Variants in ANKRD34B observed in about 807,000 individuals in gnomAD.
The protein encoded by ANKRD34B is ankyrin repeat domain 34B, also known as ankyrin repeat domain-containing protein 34B.
Under a neutral mutation model 4.4 loss-of-function variants are expected in ANKRD34B, and 2 were observed. The observed-to-expected ratio is 0.46, with a 90% confidence interval of 0.19 to 1.44. The LOEUF (loss-of-function observed/expected upper bound fraction) is 1.44, where lower values mean the gene tolerates loss of function less well. Among genes scored for constraint, ANKRD34B ranks in the 40% most tolerant of loss-of-function variants. The pLI is 0.26. For missense variants in ANKRD34B, 558 were observed against 604.7 expected (o/e 0.92, Z 0.81); for synonymous variants, 226 against 227.1 (o/e 0.99, Z 0.05).
intron 2 of ANKRD34B, 35 bp downstream of exon 2, chr5:80,568,925 C>CACACACACAGAGAGAGAGAGAGAGAG: frequency 5.6e-4 from 28 of 49,890 alleles, no homozygotes; most frequent in Non-Finnish European, 9.0e-4. Flanking sequence ...CACACACACA[C>CACACACACAGAGAGAGAGAGAGAGAG]AGAGAGAGAG....
chr5:80,565,386 T>C (rs1442876864), intron 3 of ANKRD34B, among the ~76,000 whole-genome samples: 1 of 152,246 alleles, frequency 6.6e-6, no homozygotes, highest in Non-Finnish European at 1.5e-5. Flanking sequence ...CCCTTTGTTA[T>C]GTCTAGACTA....
At chr5:80,560,394 A>ATCTG (rs148079271) in intron 4 of ANKRD34B, among the ~76,000 whole-genome samples, 1,963 of 152,314 alleles carry the variant, frequency 0.013, 44 homozygotes, top group African/African-American at 0.046. Flanking sequence ...AGTGGCTCAC[A>ATCTG]TCTGTAATCC....
In ANKRD34B at chr5:80,558,958, G is replaced by T; in HGVS notation, c.1062C>A (p.Thr354=). 6.2e-7 allele frequency: 1 copy of T among 1,614,164 alleles called. No homozygotes were observed. The highest frequency in any genetic ancestry group is 8.5e-7 in the Non-Finnish European group (1 of 1,180,038). Residue 354 remains threonine (T), a synonymous_variant, in exon 5 of 5, where the codon ACC becomes ACA. Coordinates refer to ENST00000338682, the MANE Select transcript of ANKRD34B (RefSeq NM_001004441.3). ...PDSNQTIFAS[T]LRSIVQKRNL... ...TTCTTTTTTGAACTATACTTCTTAA[G>T]GTGGAAGCAAATATTGTCTGGTTAG...
At chr5:80,565,887 A>G (rs1282769674) in intron 3 of ANKRD34B, among the ~76,000 whole-genome samples, 1 of 152,156 alleles carries the variant, frequency 6.6e-6, no homozygotes, top group Non-Finnish European at 1.5e-5. Flanking sequence ...CAATTTCCAA[A>G]TACTATCATT....
chr5:80,564,775 G>A (rs1340958131), intron 3 of ANKRD34B, among the ~76,000 whole-genome samples: 1 of 134,772 alleles, frequency 7.4e-6, no homozygotes, highest in African/African-American at 2.8e-5. Flanking sequence ...GCACAATCTC[G>A]GCTCACTGTA....
chr5:80,564,222 G>A (rs959643835), intron 3 of ANKRD34B, among the ~76,000 whole-genome samples: 3 of 151,978 alleles, frequency 2.0e-5, no homozygotes, highest in Non-Finnish European at 4.4e-5. Context: ...ATATTGTCCA[G>A]GCTGGTCTTG....
intron 4 of ANKRD34B, among the ~76,000 whole-genome samples, chr5:80,562,726 C>T (rs1027765793): frequency 2.8e-4 from 42 of 152,166 alleles, no homozygotes; most frequent in African/African-American, 1.0e-3. Flanking sequence ...AAACATTAAA[C>T]TTGTCAGGGA....
At chr5:80,562,820 A>G (rs76760859) in intron 4 of ANKRD34B, among the ~76,000 whole-genome samples, 1 of 152,152 alleles carries the variant, frequency 6.6e-6, no homozygotes, top group African/African-American at 2.4e-5. Flanking sequence ...TGAGGCTGAA[A>G]ACGCAAGCCT....
intron 3 of ANKRD34B, 136 bp downstream of exon 3, chr5:80,566,553 G>A (rs1319118168): frequency 6.6e-6 from 1 of 152,568 alleles, no homozygotes; most frequent in Admixed American, 6.6e-5. Context: ...CTGGAAGCCA[G>A]GAAAAGGAAG....
chr5:80,562,275 A>G (rs188647016), intron 4 of ANKRD34B, among the ~76,000 whole-genome samples: 146 of 152,190 alleles, frequency 9.6e-4, no homozygotes, highest in African/African-American at 3.4e-3. Flanking sequence ...CACAGCCTAT[A>G]TTTTAACAAG....
chr5:80,568,639 G>A (rs566616428), intron 2 of ANKRD34B, among the ~76,000 whole-genome samples: 7 of 152,284 alleles, frequency 4.6e-5, no homozygotes, highest in African/African-American at 1.7e-4. Flanking sequence ...AAGGGGCAGA[G>A]ACAGAATAAA....
chr5:80,567,641 A>AAAAAAAAAAAAAAG (rs1746615126), intron 2 of ANKRD34B, among the ~76,000 whole-genome samples: 1 of 146,632 alleles, frequency 6.8e-6, no homozygotes, highest in Non-Finnish European at 1.5e-5. Context: ...AAAAAAGAAA[A>AAAAAAAAAAAAAAG]GAAAAGAAAA....
rs111603222 is a variant in ANKRD34B, at chr5:80,567,621, C to CAAAA, written c.-190-851_-190-848dup. Among the ~76,000 whole-genome samples the CAAAA allele has an allele frequency of 1.7e-3, 84 of 50,514 alleles. 2 individuals are homozygous for CAAAA. Among genetic ancestry groups the CAAAA allele is most frequent in the South Asian group, 0.012 (16 of 1,322 alleles). 33.1% of individuals were successfully genotyped at this position (50,514 alleles called of 152,430 possible). A position where few individuals can be genotyped will look rare whatever the true frequency, so the allele number is the denominator to read the frequency against. On this transcript the variant is annotated intron_variant, in intron 2 of 4. Coordinates refer to ENST00000338682, the MANE Select transcript of ANKRD34B (RefSeq NM_001004441.3). ...GGGTGACAAAAGCAAGACTCCGTCT[C>CAAAA]AAAAAAAAAAAAAAAGAAAAGAAAA...
chr5:80,558,930 A>G lies in ANKRD34B; in HGVS notation c.1090T>C (p.Leu364=), dbSNP rs756649868. ...TCAGAGCTGTAGTGATTTGCCCCCA[A>G]GTTTCTTTTTTGAACTATACTTCTT... is the stretch of plus-strand genomic sequence containing the variant. ...TLRSIVQKRN[L]GANHYSSDSQ... The change falls in exon 5 of 5, where the codon TTG becomes CTG. Residue 364 remains leucine, a synonymous_variant. Transcript: ENST00000338682. 6 of 1,614,012 alleles carry G rather than the reference A, an allele frequency of 3.7e-6. No individual in the cohort carries two copies. Among genetic ancestry groups the G allele is most frequent in the Middle Eastern group, 1.6e-4 (1 of 6,084 alleles).
At position 80,558,598 on chromosome 5, in the gene ANKRD34B, A is replaced by G. The variant is rs1345793920; in HGVS notation, c.1422T>C (p.Ser474=). The G allele has an allele frequency of 6.2e-7, 1 of 1,614,158 alleles. No individual in the cohort carries two copies. The highest frequency in any genetic ancestry group is 1.7e-5 in the Admixed American group (1 of 60,008). ...NVNNKICSLL[S]CGQKVLMPTV... ...TTGGCATAAGCACTTTTTGACCACA[A>G]GAAAGAAGGCTGCAAATCTTGTTGT... The change falls in exon 5 of 5, where the codon TCT becomes TCC. Residue 474 remains serine, a synonymous_variant. Transcript: ENST00000338682.
chr5:80,568,516 GA>G (rs1388402229), intron 2 of ANKRD34B, among the ~76,000 whole-genome samples: 1 of 152,110 alleles, frequency 6.6e-6, no homozygotes, highest in African/African-American at 2.4e-5. Flanking sequence ...AGACGGGTTT[GA>G]AAAAACCCAG....
intron 4 of ANKRD34B, among the ~76,000 whole-genome samples, chr5:80,561,619 C>T (rs1393803183): frequency 6.6e-6 from 1 of 152,108 alleles, no homozygotes; most frequent in Admixed American, 6.5e-5. Context: ...GGGAGAGATA[C>T]TGTATAAGCA....
At chr5:80,565,671 G>A (rs1746543749) in intron 3 of ANKRD34B, among the ~76,000 whole-genome samples, 1 of 152,168 alleles carries the variant, frequency 6.6e-6, no homozygotes, top group African/African-American at 2.4e-5. Context: ...CTTTTTTAAA[G>A]TGTTTATCTC....
At chr5:80,568,539 G>A (rs574679375) in intron 2 of ANKRD34B, among the ~76,000 whole-genome samples, 2 of 152,164 alleles carry the variant, frequency 1.3e-5, no homozygotes, top group Non-Finnish European at 2.9e-5. Flanking sequence ...GCCCTAGTGG[G>A]CAGCCGAAGG....
Sources: gnomAD v4.1 joint callset for allele counts (sites outside exome capture counted in the v4.1 genomes callset) on GRCh38, gnomAD v4.1.1 for gene constraint, MANE v1.5 for transcripts, NCBI Gene and HGNC (gene_info 2026-07-23, HGNC 2026-07-21) for gene names.